Variants in ZSCAN23 observed in about 807,000 individuals in gnomAD.
ZSCAN23 encodes the protein zinc finger and SCAN domain containing 23, also known as zinc finger and SCAN domain-containing protein 23.
In ZSCAN23, 19 loss-of-function variants were observed where a neutral mutation model predicts 19.3. That is an observed-to-expected ratio of 0.99 (90% CI 0.69 to 1.45). The LOEUF (loss-of-function observed/expected upper bound fraction) is 1.45, where lower values mean the gene tolerates loss of function less well. ZSCAN23 is among the 40% of genes most tolerant of loss of function. ZSCAN23 has a pLI of 0.00. For synonymous variants in ZSCAN23, 140 were observed against 166.2 expected, an observed-to-expected ratio of 0.84 and a Z score of 1.21; for missense variants, 372 against 462.5, an observed-to-expected ratio of 0.80 and a Z score of 1.79.
Position 28,435,871 on chromosome 6 carries a change from G to A in ZSCAN23, c.396C>T (p.Asp132=), listed in dbSNP as rs1201361503. 3 of 1,597,548 alleles carry A rather than the reference G, an allele frequency of 1.9e-6. No homozygotes were observed. Among genetic ancestry groups the A allele is most frequent in the East Asian group, 2.2e-5 (1 of 44,820 alleles). The change falls in exon 2 of 4, where the codon GAC becomes GAT. Residue 132 remains aspartate (D), a synonymous_variant. Transcript: ENST00000289788. ...VLEDLERELD[D]PGEQVLSHAH... ...CCCATCTTCTCACCTGCTCTCCTGGGTCATCCAGCTCTCTCTCCAAATCCT... is the reference window on the plus strand; with the variant it reads ...CCCATCTTCTCACCTGCTCTCCTGGATCATCCAGCTCTCTCTCCAAATCCT...
the ZSCAN23 span, among the ~76,000 whole-genome samples, chr6:28,423,587 G>A: frequency 6.6e-6 from 1 of 152,164 alleles, no homozygotes; most frequent in South Asian, 2.1e-4. Flanking sequence ...CTGGACCCTT[G>A]AGGCCCAAGT....
intron 1 of ZSCAN23, among the ~76,000 whole-genome samples, chr6:28,441,137 A>T (rs1761991789): frequency 6.6e-6 from 1 of 152,208 alleles, no homozygotes; most frequent in Non-Finnish European, 1.5e-5. Flanking sequence ...CATCATCCTC[A>T]TGGAAGGATG....
At chr6:28,437,123 A>G (rs1239873054) in intron 1 of ZSCAN23, among the ~76,000 whole-genome samples, 1 of 152,204 alleles carries the variant, frequency 6.6e-6, no homozygotes, top group Non-Finnish European at 1.5e-5. Context: ...TGAATATCCT[A>G]GTGGTTTAAG....
chr6:28,435,122 TA>T (rs1292473650), intron 3 of ZSCAN23, 44 bp from the exon 4 acceptor site: 1 of 1,470,172 alleles, frequency 6.8e-7, no homozygotes, highest in African/African-American at 1.4e-5. Flanking sequence ...GTATGAAAAA[TA>T]ACAGATTATC....
At chr6:28,427,480 C>CCTATACTATAT (rs1761681256), downstream of ZSCAN23, among the ~76,000 whole-genome samples, 1 of 152,176 alleles carries the variant, frequency 6.6e-6, no homozygotes. Flanking sequence ...TACTATACAC[C>CCTATACTATAT]TAGGCTATAG....
At chr6:28,439,537 G>A (rs1221053768) in intron 1 of ZSCAN23, among the ~76,000 whole-genome samples, 1 of 152,136 alleles carries the variant, frequency 6.6e-6, no homozygotes, top group Admixed American at 6.5e-5. Context: ...CATATTCCAT[G>A]TACTGTTCTA....
intron 1 of ZSCAN23, among the ~76,000 whole-genome samples, chr6:28,436,578 A>T (rs1051336742): frequency 2.0e-5 from 3 of 152,232 alleles, no homozygotes. Flanking sequence ...ATCCTGACCG[A>T]AACAGCTCAA....
the ZSCAN23 span, among the ~76,000 whole-genome samples, chr6:28,423,705 C>G: frequency 6.6e-6 from 1 of 152,174 alleles, no homozygotes; most frequent in Non-Finnish European, 1.5e-5. Context: ...TGCAGTTGGT[C>G]TGAATGCATT....
intron 1 of ZSCAN23, among the ~76,000 whole-genome samples, chr6:28,440,089 G>A (rs1761973039): frequency 6.6e-6 from 1 of 152,154 alleles, no homozygotes. Context: ...AGGAAGTGAG[G>A]AGCAAGTCAC....
At chr6:28,436,364 A>G in intron 1 of ZSCAN23, 21 bp from the exon 2 acceptor site, 3 of 1,265,056 alleles carry the variant, frequency 2.4e-6, no homozygotes, top group South Asian at 3.4e-5. Flanking sequence ...ATTTACGAAG[A>G]AAAAAATATA....
At position 28,434,236 on chromosome 6, in the gene ZSCAN23, G is replaced by T; in HGVS notation, c.*229C>A. 2.2e-6 allele frequency: 1 copy of T among 452,742 alleles called. No homozygotes were observed. Among genetic ancestry groups the T allele is most frequent in the South Asian group, 7.0e-5 (1 of 14,252 alleles). 28.0% of individuals were successfully genotyped at this position (452,742 alleles called of 1,614,324 possible). A position where few individuals can be genotyped will look rare whatever the true frequency, so the allele number is the denominator to read the frequency against. ...GAAAACTTCTTGCACAGATGTGTGT[G>T]AAACTAGGTCTACAGCATACATGAT... On this transcript the variant is annotated 3_prime_UTR_variant, in exon 4 of 4. Transcript: ENST00000289788.
At chr6:28,424,981 C>T in the ZSCAN23 span, among the ~76,000 whole-genome samples, 3 of 152,224 alleles carry the variant, frequency 2.0e-5, no homozygotes. Flanking sequence ...AGAGGAATCA[C>T]TATCTATGGC....
At chr6:28,436,715 A>G (rs1202593913) in intron 1 of ZSCAN23, among the ~76,000 whole-genome samples, 1 of 152,188 alleles carries the variant, frequency 6.6e-6, no homozygotes, top group Non-Finnish European at 1.5e-5. Flanking sequence ...AGAATCAAGA[A>G]GAAAAGGGAA....
Position 28,434,823 on chromosome 6 carries a change from T to C in ZSCAN23, c.812A>G (p.His271Arg). The change falls in exon 4 of 4, where the codon CAC (histidine) becomes CGC (arginine). Residue 271 changes from histidine (H) to arginine (R), a missense_variant. By Grantham distance (29) the His-to-Arg change is conservative. Coordinates refer to ENST00000289788, the MANE Select transcript of ZSCAN23 (RefSeq NM_001012455.2). ...ACATTCATAAGGCTTCTCACCTGTG[T>C]GTGTTCTCTGGTGCTCGATAAGGAT... ...NSILIEHQRT[H>R]TGEKPYECDE... 1 of 1,595,436 alleles carries C rather than the reference T, an allele frequency of 6.3e-7. No individual in the cohort carries two copies. Among genetic ancestry groups the C allele is most frequent in the Non-Finnish European group, 8.5e-7 (1 of 1,170,714 alleles).
chr6:28,422,187 T>C, the ZSCAN23 span, among the ~76,000 whole-genome samples: 3 of 152,074 alleles, frequency 2.0e-5, no homozygotes, highest in Admixed American at 6.6e-5. This position sits in a 1 kb window ranked among gnomAD's most constrained non-coding sequence, Gnocchi z 4.0. Context: ...AGTAGTACAA[T>C]TGTACTTTTA....
At chr6:28,441,187 G>A (rs1270089261) in intron 1 of ZSCAN23, among the ~76,000 whole-genome samples, 1 of 152,176 alleles carries the variant, frequency 6.6e-6, no homozygotes, top group Non-Finnish European at 1.5e-5. Context: ...AGACTAAGCA[G>A]CATGTAATAC....
At chr6:28,421,749 T>TC in the ZSCAN23 span, among the ~76,000 whole-genome samples, 1 of 152,212 alleles carries the variant, frequency 6.6e-6, no homozygotes, top group Non-Finnish European at 1.5e-5. Flanking sequence ...ACAAACAACT[T>TC]CATTTTCTTT....
downstream of ZSCAN23, among the ~76,000 whole-genome samples, chr6:28,431,727 T>G (rs373445179): frequency 1.3e-5 from 2 of 152,152 alleles, no homozygotes; most frequent in East Asian, 3.8e-4. Context: ...ATAAAAAGTG[T>G]GAGGAGTAAA....
intron 1 of ZSCAN23, among the ~76,000 whole-genome samples, chr6:28,437,233 A>T (rs1400056799): frequency 6.6e-6 from 1 of 152,238 alleles, no homozygotes; most frequent in East Asian, 1.9e-4. Flanking sequence ...AAACAGGAGT[A>T]GAATTTGACC....
Sources: gnomAD v4.1 joint callset for allele counts (sites outside exome capture counted in the v4.1 genomes callset) on GRCh38, gnomAD v4.1.1 for gene constraint, Gnocchi (gnomAD v3.1) non-coding constraint, MANE v1.5 for transcripts, NCBI Gene and HGNC (gene_info 2026-07-23, HGNC 2026-07-21) for gene names.